Variants in NRG1 observed in about 807,000 individuals in gnomAD.
The protein encoded by NRG1 is pro-neuregulin-1, membrane-bound isoform.
In NRG1, 18 loss-of-function variants were observed where a neutral mutation model predicts 63.8. The ratio of observed to expected loss-of-function variants is 0.28; its 90% confidence interval spans 0.19 to 0.42. The LOEUF (loss-of-function observed/expected upper bound fraction) is 0.42, where lower values mean the gene tolerates loss of function less well. Ranked by LOEUF, NRG1 falls within the 10% of genes least tolerant of loss-of-function variation. The probability of loss-of-function intolerance (pLI) is 1.00; values close to 1 mark genes in which losing one functional copy is unlikely to be tolerated. For synonymous variants in NRG1, 302 were observed against 301.3 expected, an observed-to-expected ratio of 1.00 and a Z score of -0.02; for missense variants, 762 against 814.7, an observed-to-expected ratio of 0.94 and a Z score of 0.79.
At chr8:32,160,207 G>A (rs1472244137) in intron 1 of NRG1, among the ~76,000 whole-genome samples, 1 of 152,118 alleles carries the variant, frequency 6.6e-6, no homozygotes, top group Non-Finnish European at 1.5e-5. Context: ...AAAGGGATGA[G>A]AATAAGGCAG....
chr8:32,251,752 G>A (rs1370043305), intron 1 of NRG1, among the ~76,000 whole-genome samples: 1 of 152,138 alleles, frequency 6.6e-6, no homozygotes, highest in Non-Finnish European at 1.5e-5. Context: ...ATTCAAACCG[G>A]CGTGAGATGG....
At chr8:32,277,594 A>G (rs1852242542) in intron 1 of NRG1, among the ~76,000 whole-genome samples, 1 of 152,158 alleles carries the variant, frequency 6.6e-6, no homozygotes, top group African/African-American at 2.4e-5. Context: ...CTTCCTAAAT[A>G]TCTTTAAATT....
At chr8:32,293,718 C>CTTTTTTTTTTTTT (rs770993591) in intron 1 of NRG1, among the ~76,000 whole-genome samples, 5 of 108,276 alleles carry the variant, frequency 4.6e-5, no homozygotes, top group African/African-American at 1.5e-4. Flanking sequence ...TTTTCTTCTT[C>CTTTTTTTTTTTTT]TTTTTTTTTT....
At chr8:32,443,839 G>GA (rs11390507) in intron 1 of NRG1, among the ~76,000 whole-genome samples, 117,442 of 151,780 alleles carry the variant, frequency 0.77, 45,864 homozygotes, top group East Asian at 1. Context: ...CTTAAAGAGA[G>GA]AAAAAAAATG....
intron 5 of NRG1, among the ~76,000 whole-genome samples, chr8:32,702,898 T>C (rs750169563): frequency 2.0e-5 from 3 of 152,142 alleles, no homozygotes; most frequent in Admixed American, 6.5e-5. Flanking sequence ...TACAGTCCCA[T>C]TTTTGTCTTT....
chr8:32,587,302 T>C lies in NRG1; in HGVS notation c.101-8526T>C, dbSNP rs137861529. 8.6e-3 allele frequency among the ~76,000 whole-genome samples: 1,311 copies of C among 152,022 alleles called. 11 individuals are homozygous for C. The highest frequency in any genetic ancestry group is 0.013 in the Non-Finnish European group (901 of 67,970). ...TGACCACTCTGGGTAGACTCTGAAATTAGGTGAAATAAATGAGCTAGCAAG... is the reference window on the plus strand; with the variant it reads ...TGACCACTCTGGGTAGACTCTGAAACTAGGTGAAATAAATGAGCTAGCAAG... On this transcript the variant is annotated intron_variant, in intron 1 of 11. Transcript: ENST00000356819.
At chr8:31,980,677 T>C (rs1464107851) in intron 1 of NRG1, among the ~76,000 whole-genome samples, 1 of 152,030 alleles carries the variant, frequency 6.6e-6, no homozygotes, top group Admixed American at 6.6e-5. Context: ...AAGGTTTAGG[T>C]CTAGATTAGA....
intron 1 of NRG1, among the ~76,000 whole-genome samples, chr8:32,397,274 GA>G (rs779254460): frequency 3.7e-4 from 57 of 152,236 alleles, no homozygotes; most frequent in Non-Finnish European, 7.2e-4. Flanking sequence ...TGACCAGAGT[GA>G]AAATCTGATT....
At chr8:32,415,423 CAAA>C (rs5890648) in intron 1 of NRG1, among the ~76,000 whole-genome samples, 9,522 of 137,498 alleles carry the variant, frequency 0.069, 1,045 homozygotes, top group East Asian at 0.58. Context: ...AAAGAGTTTG[CAAA>C]AAAAAAAAAT....
At chr8:31,947,031 T>C (rs984351235) in intron 1 of NRG1, among the ~76,000 whole-genome samples, 2 of 152,220 alleles carry the variant, frequency 1.3e-5, no homozygotes, top group African/African-American at 2.4e-5. Context: ...CCGGGCGCGG[T>C]GGCTCACGCC....
At chr8:31,749,120 A>T (rs935049661) in intron 1 of NRG1, among the ~76,000 whole-genome samples, 2 of 151,880 alleles carry the variant, frequency 1.3e-5, no homozygotes, top group Admixed American at 6.6e-5. Flanking sequence ...ATGACAGAGG[A>T]TAGTACATAA....
chr8:31,991,862 C>A (rs764591181), intron 1 of NRG1, among the ~76,000 whole-genome samples: 1 of 151,902 alleles, frequency 6.6e-6, no homozygotes, highest in Non-Finnish European at 1.5e-5. Context: ...TTTCTCTATG[C>A]TTCTGCCCTG....
intron 1 of NRG1, among the ~76,000 whole-genome samples, chr8:31,710,628 C>T (rs1811645745): frequency 6.6e-6 from 1 of 151,990 alleles, no homozygotes; most frequent in Non-Finnish European, 1.5e-5. Flanking sequence ...TCTTGCTTGT[C>T]TAATATGAAA....
chr8:32,655,416 T>C (rs948397347), intron 5 of NRG1, among the ~76,000 whole-genome samples: 4 of 152,216 alleles, frequency 2.6e-5, no homozygotes. Context: ...GATGTTAACA[T>C]CTAAAACTCT....
intron 1 of NRG1, among the ~76,000 whole-genome samples, chr8:32,361,580 T>C (rs1041558396): frequency 6.6e-6 from 1 of 152,164 alleles, no homozygotes; most frequent in African/African-American, 2.4e-5. Flanking sequence ...CAAAATTGGT[T>C]GTCCCTCTCT....
chr8:32,564,158 A>G (rs1837000788), intron 1 of NRG1, among the ~76,000 whole-genome samples: 1 of 152,234 alleles, frequency 6.6e-6, no homozygotes. Context: ...TACAATAATA[A>G]TTAAGCGTTG....
rs146941065 is a variant in NRG1, at chr8:32,582,222, G to A, written c.101-13606G>A. Among the ~76,000 whole-genome samples, 1,059 of 151,316 alleles carry A rather than the reference G, an allele frequency of 7.0e-3. 11 individuals are homozygous for A. Among genetic ancestry groups the A allele is most frequent in the African/African-American group, 0.024 (986 of 41,200 alleles). On this transcript the variant is annotated intron_variant, in intron 1 of 11. Coordinates refer to ENST00000356819, the Ensembl canonical transcript of NRG1. ...AAGTGCTCTGCCCATCTCAGCCTCC[G>A]GAGTAGCTGGGACCATAGGCACATG...
At chr8:32,335,818 T>C (rs562251707) in intron 1 of NRG1, among the ~76,000 whole-genome samples, 151 of 152,278 alleles carry the variant, frequency 9.9e-4, no homozygotes, top group African/African-American at 3.6e-3. Context: ...GTCTCCTCGC[T>C]GTGCTGAGAG....
At chr8:31,878,463 G>A (rs1830094437) in intron 1 of NRG1, among the ~76,000 whole-genome samples, 1 of 152,174 alleles carries the variant, frequency 6.6e-6, no homozygotes, top group Non-Finnish European at 1.5e-5. Flanking sequence ...AAATAAAAAA[G>A]CAGTATACTC....
Sources: gnomAD v4.1 joint callset for allele counts (sites outside exome capture counted in the v4.1 genomes callset) on GRCh38, gnomAD v4.1.1 for gene constraint, MANE v1.5 for transcripts, NCBI Gene and HGNC (gene_info 2026-07-23, HGNC 2026-07-21) for gene names.